MICAL2: variants seen among roughly 807,000 people sequenced by gnomAD.
MICAL2 encodes the protein microtubule associated monooxygenase, calponin and LIM domain containing 2.
Under a neutral mutation model 127.3 loss-of-function variants are expected in MICAL2, and 77 were observed. That is an observed-to-expected ratio of 0.60 (90% CI 0.50 to 0.73). The LOEUF is 0.73. Ranked by LOEUF, MICAL2 falls within the 30% of genes least tolerant of loss-of-function variation. The probability of loss-of-function intolerance (pLI) is 0.00; values close to 1 mark genes in which losing one functional copy is unlikely to be tolerated. For missense variants in MICAL2, 1,351 were observed against 1,434.4 expected (o/e 0.94, Z 0.94); for synonymous variants, 570 against 551.1 (o/e 1.03, Z -0.48).
At chr11:12,292,978 T>C (rs1863924704), downstream of MICAL2, among the ~76,000 whole-genome samples, 1 of 152,162 alleles carries the variant, frequency 6.6e-6, no homozygotes, top group Non-Finnish European at 1.5e-5. Flanking sequence ...CCTTTCTCAG[T>C]GGTGCAATGT....
intron 6 of MICAL2, among the ~76,000 whole-genome samples, chr11:12,211,516 A>G (rs2134183114): frequency 6.6e-6 from 1 of 152,348 alleles, no homozygotes; most frequent in South Asian, 2.1e-4. Flanking sequence ...GTGGCTAAGG[A>G]AAGGTTATGT....
chr11:12,327,136 G>C, intron 31 of MICAL2: 1 of 1,534,534 alleles, frequency 6.5e-7, no homozygotes, highest in South Asian at 1.2e-5. Context: ...ACTCTATGTG[G>C]AAAGTCCTTG....
intron 29 of MICAL2, among the ~76,000 whole-genome samples, chr11:12,297,760 G>A (rs1864003068): frequency 6.6e-6 from 1 of 151,892 alleles, no homozygotes; most frequent in Non-Finnish European, 1.5e-5. Flanking sequence ...TAAAAAATCA[G>A]TGAATAATCT....
At chr11:12,291,713 G>C (rs144356733), downstream of MICAL2, among the ~76,000 whole-genome samples, 115 of 152,352 alleles carry the variant, frequency 7.5e-4, no homozygotes, top group Non-Finnish European at 1.4e-3. Context: ...TGTCTATCCT[G>C]TCTGTGCCCA....
At chr11:12,340,323 G>T (rs1277844116) in intron 32 of MICAL2, among the ~76,000 whole-genome samples, 3 of 152,072 alleles carry the variant, frequency 2.0e-5, no homozygotes, top group Admixed American at 2.0e-4. Flanking sequence ...AAATAATTCA[G>T]ACTACAGTAA....
intron 32 of MICAL2, among the ~76,000 whole-genome samples, chr11:12,348,658 G>A (rs1415914207): frequency 1.3e-5 from 2 of 152,200 alleles, no homozygotes; most frequent in African/African-American, 2.4e-5. Flanking sequence ...ATTTTAGCAG[G>A]AGGGAGGGAG....
chr11:12,204,711 T>C (rs1854449086), intron 4 of MICAL2, among the ~76,000 whole-genome samples: 1 of 152,186 alleles, frequency 6.6e-6, no homozygotes, highest in African/African-American at 2.4e-5. Context: ...CTCCAGGACA[T>C]GAAAGAGTGC....
At chr11:12,294,521 T>A (rs1863952690), downstream of MICAL2, 1 of 1,614,126 alleles carries the variant, frequency 6.2e-7, no homozygotes, top group Non-Finnish European at 8.5e-7. Context: ...GTCCCCACCC[T>A]GCAGCAAGAT....
intron 3 of MICAL2, among the ~76,000 whole-genome samples, chr11:12,168,946 CAAA>C (rs66469229): frequency 3.9e-4 from 45 of 115,178 alleles, no homozygotes; most frequent in Admixed American, 7.1e-4. Flanking sequence ...GATCCTGTCT[CAAA>C]AAAAAAAAAA....
chr11:12,286,368 T>C (rs1334666872), intron 2 of MICAL2, among the ~76,000 whole-genome samples: 2 of 152,228 alleles, frequency 1.3e-5, no homozygotes, highest in South Asian at 2.1e-4. Context: ...ATATGGAACA[T>C]TGATGGCCCG....
At chr11:12,224,635 C>T (rs767367992) in intron 12 of MICAL2, 38 bp from the exon 13 acceptor site, 5 of 1,599,432 alleles carry the variant, frequency 3.1e-6, no homozygotes, top group South Asian at 2.2e-5. Flanking sequence ...GTGTGAGATT[C>T]CTGCAGAGCC....
intron 24 of MICAL2, 190 bp downstream of exon 24, chr11:12,257,161 G>A (rs1379123803): frequency 1.6e-6 from 1 of 626,228 alleles, no homozygotes; most frequent in East Asian, 2.9e-5. Flanking sequence ...GTGGTCCCAG[G>A]GAAGGGGTAG....
chr11:12,139,748 G>A (rs1262660941), intron 2 of MICAL2, among the ~76,000 whole-genome samples: 1 of 152,204 alleles, frequency 6.6e-6, no homozygotes, highest in Non-Finnish European at 1.5e-5. Context: ...AGAATACAGA[G>A]TTTGTCCACA....
At chr11:12,148,007 G>A (rs1452374165) in intron 2 of MICAL2, among the ~76,000 whole-genome samples, 2 of 152,142 alleles carry the variant, frequency 1.3e-5, no homozygotes, top group African/African-American at 4.8e-5. Flanking sequence ...GGATGGGGTG[G>A]TGGAGGGCTT....
intron 32 of MICAL2, among the ~76,000 whole-genome samples, chr11:12,340,538 T>G (rs917372410): frequency 6.6e-6 from 1 of 152,196 alleles, no homozygotes; most frequent in East Asian, 1.9e-4. Context: ...TCCTAATATA[T>G]ACTCCAGAGA....
At chr11:12,289,324 A>C (rs117536575), downstream of MICAL2, among the ~76,000 whole-genome samples, 16 of 152,346 alleles carry the variant, frequency 1.1e-4, no homozygotes, top group East Asian at 2.7e-3. Context: ...CAAGGTTTCA[A>C]GGAAACGGCC....
At chr11:12,216,498 C>A in intron 8 of MICAL2, 179 bp downstream of exon 8, 1 of 593,118 alleles carries the variant, frequency 1.7e-6, no homozygotes. Context: ...GGAGCCCACG[C>A]CAATATGCAC....
chr11:12,199,728 G>T (rs1204578574), intron 3 of MICAL2, among the ~76,000 whole-genome samples: 2 of 152,168 alleles, frequency 1.3e-5, no homozygotes, highest in African/African-American at 2.4e-5. Flanking sequence ...TGGGCTAGTT[G>T]GTCACCATCC....
At chr11:12,112,659 T>C (rs1849697951) in intron 1 of MICAL2, among the ~76,000 whole-genome samples, 1 of 152,154 alleles carries the variant, frequency 6.6e-6, no homozygotes, top group Non-Finnish European at 1.5e-5. Flanking sequence ...CAGCCCCTTC[T>C]TCCTTTAGGC....
Sources: allele counts gnomAD v4.1 joint callset (sites outside exome capture counted in the v4.1 genomes callset), GRCh38; gene constraint gnomAD v4.1.1; transcripts MANE v1.5; gene names NCBI Gene and HGNC (gene_info 2026-07-23, HGNC 2026-07-21).